Variants in DNAH11 observed in about 807,000 individuals in gnomAD.
DNAH11 encodes the protein dynein axonemal heavy chain 11, also known as axonemal beta dynein heavy chain 11.
In DNAH11, 442 loss-of-function variants were observed where a neutral mutation model predicts 526.0. The ratio of observed to expected loss-of-function variants is 0.84; its 90% CI spans 0.78 to 0.91. The LOEUF is 0.91. DNAH11 is among the 40% of genes least tolerant of loss of function. The pLI is 0.00. For missense variants in DNAH11, 6,989 were observed against 5,448.7 expected (o/e 1.28, Z -8.90); for synonymous variants, 2,461 against 1,935.9 (o/e 1.27, Z -7.12).
intron 20 of DNAH11, among the ~76,000 whole-genome samples, chr7:21,610,347 C>A (rs560531119): frequency 6.6e-6 from 1 of 152,114 alleles, no homozygotes; most frequent in East Asian, 1.9e-4. Flanking sequence ...TTATACTACC[C>A]CTCTGATTAA....
intron 68 of DNAH11, among the ~76,000 whole-genome samples, chr7:21,856,402 A>T (rs1782850762): frequency 6.6e-6 from 1 of 152,220 alleles, no homozygotes; most frequent in African/African-American, 2.4e-5. Flanking sequence ...CTAGTATGCA[A>T]AACTTCTAAC....
intron 65 of DNAH11, among the ~76,000 whole-genome samples, chr7:21,829,873 G>GCA (rs2128007931): frequency 6.6e-6 from 1 of 152,286 alleles, no homozygotes; most frequent in African/African-American, 2.4e-5. Context: ...TGATCATTGG[G>GCA]AACAGTGTTT....
intron 45 of DNAH11, among the ~76,000 whole-genome samples, chr7:21,731,116 C>A (rs1352621515): frequency 6.6e-6 from 1 of 151,926 alleles, no homozygotes; most frequent in Non-Finnish European, 1.5e-5. Flanking sequence ...TGGACTCCAT[C>A]CTGGGCAACA....
At chr7:21,852,737 G>T in intron 67 of DNAH11, 106 bp downstream of exon 67, 2 of 1,234,260 alleles carry the variant, frequency 1.6e-6, no homozygotes, top group Non-Finnish European at 1.1e-6. Context: ...GAGGACCAGC[G>T]TGTGGAATTC....
chr7:21,752,957 CGCCTTGGCCTCCTAAAGT>C (rs1786476875), intron 54 of DNAH11, among the ~76,000 whole-genome samples: 1 of 152,072 alleles, frequency 6.6e-6, no homozygotes, highest in Non-Finnish European at 1.5e-5. Context: ...CATGTCCACC[CGCCTTGGCCTCCTAAAGT>C]GCTGGGATTA....
At chr7:21,745,861 A>T (rs1422264524) in intron 51 of DNAH11, among the ~76,000 whole-genome samples, 1 of 152,218 alleles carries the variant, frequency 6.6e-6, no homozygotes, top group Non-Finnish European at 1.5e-5. Flanking sequence ...CTGAATGATA[A>T]GTAGGTGCTA....
At chr7:21,812,599 A>T (rs1425577968) in intron 63 of DNAH11, among the ~76,000 whole-genome samples, 1 of 152,158 alleles carries the variant, frequency 6.6e-6, no homozygotes. Flanking sequence ...GGTTACAGCA[A>T]GCTATGATGG....
intron 64 of DNAH11, among the ~76,000 whole-genome samples, 186 bp from the exon 65 acceptor site, chr7:21,818,031 A>G (rs1789881365): frequency 6.6e-6 from 1 of 152,196 alleles, no homozygotes; most frequent in African/African-American, 2.4e-5. Context: ...ACTAAAATGT[A>G]TCTTAAAATC....
chr7:21,835,102 G>C (rs1450179855), intron 65 of DNAH11, among the ~76,000 whole-genome samples: 1 of 151,872 alleles, frequency 6.6e-6, no homozygotes, highest in African/African-American at 2.4e-5. Flanking sequence ...AATGAGAAAT[G>C]AGGTTGAATC....
At chr7:21,835,635 T>C (rs1781964287) in intron 65 of DNAH11, among the ~76,000 whole-genome samples, 1 of 152,258 alleles carries the variant, frequency 6.6e-6, no homozygotes, top group East Asian at 1.9e-4. Context: ...AGGCCATATA[T>C]GACAAACCCA....
intron 55 of DNAH11, among the ~76,000 whole-genome samples, chr7:21,773,192 G>A (rs937740934): frequency 6.6e-6 from 1 of 152,144 alleles, no homozygotes; most frequent in Non-Finnish European, 1.5e-5. Flanking sequence ...ACTCATTGAA[G>A]GAGAGTTGCT....
chr7:21,571,478 C>T (rs1403426254), intron 7 of DNAH11, among the ~76,000 whole-genome samples: 2 of 152,040 alleles, frequency 1.3e-5, no homozygotes, highest in Non-Finnish European at 1.5e-5. Flanking sequence ...CAGGATCTTT[C>T]CTTGTTGCCC....
At chr7:21,820,128 AC>A (rs1177028795) in intron 65 of DNAH11, among the ~76,000 whole-genome samples, 9 of 152,122 alleles carry the variant, frequency 5.9e-5, no homozygotes, top group Admixed American at 5.2e-4. Context: ...GACTATCTTC[AC>A]CCAGAGACTA....
chr7:21,588,426 C>A, intron 10 of DNAH11, 86 bp from the exon 11 acceptor site: 3 of 1,531,234 alleles, frequency 2.0e-6, no homozygotes, highest in African/African-American at 1.4e-5. Flanking sequence ...TGTAAAAATA[C>A]CAAAATGAAA....
chr7:21,751,129 AC>A (rs1786394638), intron 54 of DNAH11, among the ~76,000 whole-genome samples: 2 of 151,968 alleles, frequency 1.3e-5, no homozygotes, highest in Non-Finnish European at 1.5e-5. Flanking sequence ...TTCAAGACCA[AC>A]CTGGCCAACA....
intron 61 of DNAH11, among the ~76,000 whole-genome samples, chr7:21,798,430 T>C (rs546360969): frequency 6.6e-6 from 1 of 152,326 alleles, no homozygotes; most frequent in East Asian, 1.9e-4. Flanking sequence ...AGATGGATAC[T>C]CTTAACTATA....
At chr7:21,734,166 G>T (rs1785507217) in intron 45 of DNAH11, among the ~76,000 whole-genome samples, 1 of 152,202 alleles carries the variant, frequency 6.6e-6, no homozygotes, top group Non-Finnish European at 1.5e-5. Flanking sequence ...TAGTAGCTAT[G>T]ACCTTGACCG....
chr7:21,822,880 C>T (rs7780026), intron 65 of DNAH11, among the ~76,000 whole-genome samples: 53,860 of 150,786 alleles, frequency 0.36, 10,330 homozygotes, highest in East Asian at 0.63. Flanking sequence ...ATTTCATATA[C>T]CCGTTGGCCA....
intron 65 of DNAH11, among the ~76,000 whole-genome samples, chr7:21,827,451 A>T (rs1285064479): frequency 6.6e-6 from 1 of 151,524 alleles, no homozygotes. Context: ...TATTATTATA[A>T]TTTTTGAAAG....
Sources: allele counts gnomAD v4.1 joint callset (sites outside exome capture counted in the v4.1 genomes callset), GRCh38; gene constraint gnomAD v4.1.1; transcripts MANE v1.5; gene names NCBI Gene and HGNC (gene_info 2026-07-23, HGNC 2026-07-21).